The following MAP3K14 variants were observed in gnomAD, a reference collection of about 807,000 sequenced individuals.
The protein encoded by MAP3K14 is NF-kappa-beta-inducing kinase.
In MAP3K14, 16 loss-of-function variants were observed where a neutral mutation model predicts 99.2. The ratio of observed to expected loss-of-function variants is 0.16; its 90% CI spans 0.11 to 0.24. The LOEUF is 0.24. Ranked by LOEUF, MAP3K14 falls within the 10% of genes least tolerant of loss-of-function variation. The probability of loss-of-function intolerance (pLI) is 1.00; values close to 1 mark genes in which losing one functional copy is unlikely to be tolerated. For missense variants in MAP3K14, 784 were observed against 1,208.7 expected (o/e 0.65, Z 5.21); for synonymous variants, 462 against 492.4 (o/e 0.94, Z 0.82).
chr17:45,269,626 C>T (rs1317522473), intron 11 of MAP3K14, among the ~76,000 whole-genome samples: 6 of 152,062 alleles, frequency 3.9e-5, no homozygotes, highest in Non-Finnish European at 8.8e-5. Context: ...TCGCCAATGG[C>T]CAGTGATTTA....
chr17:45,266,951 G>A, intron 13 of MAP3K14, 141 bp downstream of exon 13: 2 of 711,518 alleles, frequency 2.8e-6, no homozygotes, highest in South Asian at 3.7e-5. Context: ...CCAGAAGGAA[G>A]GGGTGACCCC....
intron 1 of MAP3K14, among the ~76,000 whole-genome samples, chr17:45,305,461 T>C (rs2044424108): frequency 6.7e-6 from 1 of 149,954 alleles, no homozygotes; most frequent in African/African-American, 2.5e-5. Context: ...AGTGGTGTGA[T>C]CTTGGCTCAC....
chr17:45,283,846 G>A (rs3785803), intron 6 of MAP3K14, among the ~76,000 whole-genome samples: 15,098 of 152,222 alleles, frequency 0.099, 933 homozygotes, highest in Admixed American at 0.15. Context: ...ACAGAAACGC[G>A]CCTTAGGTCC....
chr17:45,284,046 C>T (rs903837052), intron 6 of MAP3K14, among the ~76,000 whole-genome samples: 1 of 152,200 alleles, frequency 6.6e-6, no homozygotes, highest in Admixed American at 6.5e-5. Flanking sequence ...AGGAGGAGGC[C>T]TCAGCTCCAG....
chr17:45,270,364 C>T (rs2044132935), intron 11 of MAP3K14, 49 bp downstream of exon 11: 2 of 1,583,500 alleles, frequency 1.3e-6, no homozygotes, highest in Non-Finnish European at 1.7e-6. Context: ...CTCCTCTGTC[C>T]ACCTCTGTCT....
At chr17:45,311,871 A>T (rs1263418457) in intron 1 of MAP3K14, among the ~76,000 whole-genome samples, 3 of 152,140 alleles carry the variant, frequency 2.0e-5, no homozygotes, top group Non-Finnish European at 4.4e-5. Context: ...TTCTTTGCTG[A>T]CTGTCACTGG....
chr17:45,280,999 T>A (rs1249137784), intron 6 of MAP3K14, among the ~76,000 whole-genome samples: 1 of 152,150 alleles, frequency 6.6e-6, no homozygotes, highest in Non-Finnish European at 1.5e-5. Context: ...ACATGGCCGT[T>A]AAAAAGCATA....
intron 1 of MAP3K14, among the ~76,000 whole-genome samples, chr17:45,314,563 T>C (rs1402796398): frequency 2.0e-5 from 3 of 152,010 alleles, no homozygotes; most frequent in African/African-American, 4.8e-5. Flanking sequence ...ACAACTGTGG[T>C]AGTGACTTAT....
At chr17:45,280,460 C>T (rs2044213440) in intron 6 of MAP3K14, among the ~76,000 whole-genome samples, 1 of 151,942 alleles carries the variant, frequency 6.6e-6, no homozygotes, top group African/African-American at 2.4e-5. Flanking sequence ...TGCGCCACCA[C>T]GCCTGGCTAA....
At chr17:45,304,192 C>G (rs1359151416) in intron 1 of MAP3K14, among the ~76,000 whole-genome samples, 1 of 151,864 alleles carries the variant, frequency 6.6e-6, no homozygotes, top group Non-Finnish European at 1.5e-5. Flanking sequence ...TTAGTAGAGA[C>G]GGGGTTTCAC....
At chr17:45,311,589 C>A (rs938134781) in intron 1 of MAP3K14, among the ~76,000 whole-genome samples, 2 of 152,102 alleles carry the variant, frequency 1.3e-5, no homozygotes, top group African/African-American at 4.8e-5. Flanking sequence ...AGGAGTACCC[C>A]CTGCTGCTTC....
chr17:45,267,774 G>A lies in MAP3K14; in HGVS notation c.1973-15C>T, dbSNP rs1452501892. On this transcript the variant is annotated splice_polypyrimidine_tract_variant and intron_variant, in intron 11 of 15. Coordinates refer to ENST00000344686, the MANE Select transcript of MAP3K14 (RefSeq NM_003954.5). This position sits in a 1 kb window ranked among gnomAD's most constrained non-coding sequence, Gnocchi z 5.1. ...CAGACCTCCCACTAGAAAACAGAGA[G>A]TACAATGGTGAGGGGAAGCGTGCTG... The A allele has an allele frequency of 6.3e-7, 1 of 1,595,856 alleles. No individual in the cohort carries two copies. The highest frequency in any genetic ancestry group is 1.1e-5 in the South Asian group (1 of 90,384).
chr17:45,267,862 A>C lies in MAP3K14; in HGVS notation c.1973-103T>G. The C allele has an allele frequency of 1.0e-6, 1 of 985,284 alleles. No homozygotes were observed. Among genetic ancestry groups the C allele is most frequent in the Non-Finnish European group, 1.5e-6 (1 of 652,726 alleles). The allele number at this position is 985,284 out of a possible 1,614,324, so 61.0% of individuals were successfully genotyped here. The stretch of plus-strand genomic sequence containing the variant: ...GAGTGCAGAAGGGCTAGAGGCAAAC[A>C]AAGGGGAGGACACTGCCCCGGGCCA... On this transcript the variant is annotated intron_variant, in intron 11 of 15. Transcript: ENST00000344686. This position sits in a 1 kb window ranked among gnomAD's most constrained non-coding sequence, Gnocchi z 5.1.
At chr17:45,304,650 A>C (rs1397631255) in intron 1 of MAP3K14, among the ~76,000 whole-genome samples, 3 of 152,190 alleles carry the variant, frequency 2.0e-5, no homozygotes, top group Non-Finnish European at 4.4e-5. Flanking sequence ...TGGGGAAAAA[A>C]TGGGTAGATG....
chr17:45,307,810 A>G (rs959791385), intron 1 of MAP3K14, among the ~76,000 whole-genome samples: 2 of 152,256 alleles, frequency 1.3e-5, no homozygotes, highest in African/African-American at 2.4e-5. Flanking sequence ...GAGGAACTTC[A>G]GAATAAACAA....
intron 6 of MAP3K14, among the ~76,000 whole-genome samples, chr17:45,280,299 CTT>C (rs751994880): frequency 1.6e-4 from 19 of 122,328 alleles, no homozygotes; most frequent in South Asian, 2.6e-4. Flanking sequence ...CACAGAAACA[CTT>C]TTTTTTTTTT....
At chr17:45,287,117 T>A in intron 4 of MAP3K14, 37 bp downstream of exon 4, 1 of 1,604,038 alleles carries the variant, frequency 6.2e-7, no homozygotes. Flanking sequence ...CAAGGCCCCA[T>A]GAACCTGGGG....
intron 1 of MAP3K14, among the ~76,000 whole-genome samples, chr17:45,293,341 T>A (rs2044325824): frequency 6.6e-6 from 1 of 152,128 alleles, no homozygotes; most frequent in African/African-American, 2.4e-5. Flanking sequence ...GGATAGGTCA[T>A]CCTGAGCTAG....
Position 45,284,962 on chromosome 17 carries a change from GGA to G in MAP3K14, c.1153-15_1153-14del. 6.4e-7 allele frequency: 1 copy of G among 1,551,038 alleles called. No homozygotes were observed. Among genetic ancestry groups the G allele is most frequent in the Non-Finnish European group, 8.7e-7 (1 of 1,146,478 alleles). ...CTGGCTTGAGTTTCTGGGGTTGGCA[GGA>G]GAGAGAGGACAGTTTCAGTGGCCAG... On this transcript the variant is annotated splice_polypyrimidine_tract_variant and intron_variant, in intron 5 of 15. Coordinates refer to ENST00000344686, the MANE Select transcript of MAP3K14 (RefSeq NM_003954.5).
Sources: allele counts gnomAD v4.1 joint callset (sites outside exome capture counted in the v4.1 genomes callset), GRCh38; gene constraint gnomAD v4.1.1; non-coding constraint Gnocchi (gnomAD v3.1); transcripts MANE v1.5; gene names NCBI Gene and HGNC (gene_info 2026-07-23, HGNC 2026-07-21).